Variants in TTLL1 observed in about 807,000 individuals in gnomAD.
TTLL1 encodes polyglutamylase complex subunit TTLL1.
Under a neutral mutation model 47.8 loss-of-function variants are expected in TTLL1, and 33 were observed. That is an observed-to-expected ratio of 0.69 (90% CI 0.52 to 0.92). The LOEUF (loss-of-function observed/expected upper bound fraction) is 0.92, where lower values mean the gene tolerates loss of function less well. Ranked by LOEUF, TTLL1 falls within the 40% of genes least tolerant of loss-of-function variation. The pLI is 0.00. For synonymous variants in TTLL1, 225 were observed against 214.1 expected (o/e 1.05, Z -0.45); for missense variants, 488 against 547.5 (o/e 0.89, Z 1.08).
At chr22:43,069,598 G>C in intron 4 of TTLL1, 38 bp downstream of exon 4, 1 of 1,613,074 alleles carries the variant, frequency 6.2e-7, no homozygotes. Flanking sequence ...AAATTCAGCT[G>C]TTTACTGAAA....
intron 9 of TTLL1, among the ~76,000 whole-genome samples, chr22:43,051,258 G>A (rs562982753): frequency 1.4e-4 from 21 of 152,370 alleles, no homozygotes; most frequent in African/African-American, 4.3e-4. Context: ...GGCTGAGGTC[G>A]CACCAGCCAG....
Position 43,056,324 on chromosome 22 carries a change from A to G in TTLL1, c.891+3060T>C, listed in dbSNP as rs574423345. On this transcript the variant is annotated intron_variant, in intron 8 of 10. Transcript: ENST00000266254. ...CAGTGAGCCGAGATCGCATCACTGC[A>G]CTCCAGCCTGGCGACACAGCGAGAC... 4.1e-5 allele frequency among the ~76,000 whole-genome samples: 6 copies of G among 147,546 alleles called. No homozygotes were observed. The East Asian group carries it at 1.2e-3, about 30-fold the overall frequency.
chr22:43,089,052 C>T (rs1168210910), intron 1 of TTLL1, among the ~76,000 whole-genome samples: 2 of 152,198 alleles, frequency 1.3e-5, no homozygotes, highest in African/African-American at 2.4e-5. Flanking sequence ...TTGCAACAGT[C>T]GGACAGCACG....
At chr22:43,070,342 G>A in intron 3 of TTLL1, 1 of 547,896 alleles carries the variant, frequency 1.8e-6, no homozygotes, top group Non-Finnish European at 3.2e-6. Context: ...CGACAGAGTT[G>A]AAAGAGAAAT....
rs765451356 is a variant in TTLL1 at position 43,059,384 on chromosome 22, C to G, written c.891G>C (p.Ala297=). The part of the protein sequence containing the change: ...WIIVQSLKAV[A]PVMNNDKHCF... ...GCTCCCCCGCCCGCACCAAACTCACCGCCACAGCCTTCAGGGACTGCACGA... is the reference window on the plus strand; with the variant it reads ...GCTCCCCCGCCCGCACCAAACTCACGGCCACAGCCTTCAGGGACTGCACGA... The change falls in exon 8 of 11, where the codon GCG becomes GCC. Residue 297 remains alanine (A), a splice_region_variant and synonymous_variant. Coordinates refer to ENST00000266254, the MANE Select transcript of TTLL1 (RefSeq NM_012263.5). The G allele has an allele frequency of 6.2e-7, 1 of 1,610,062 alleles. No individual in the cohort carries two copies. Among genetic ancestry groups the G allele is most frequent in the African/African-American group, 1.3e-5 (1 of 74,744 alleles).
chr22:43,073,183 T>C (rs928820492), intron 3 of TTLL1, among the ~76,000 whole-genome samples: 2 of 151,502 alleles, frequency 1.3e-5, no homozygotes, highest in African/African-American at 4.9e-5. Flanking sequence ...GCCCAGCTAA[T>C]TTTTGTATTT....
At chr22:43,080,902 C>CTTTTTCTTTTTTTTTTTTTTTT (rs1928833866) in intron 1 of TTLL1, among the ~76,000 whole-genome samples, 2 of 69,284 alleles carry the variant, frequency 2.9e-5, no homozygotes, top group Non-Finnish European at 2.6e-5. Flanking sequence ...TGTTGCATGA[C>CTTTTTCTTTTTTTTTTTTTTTT]TTTTTTTTTT....
At chr22:43,069,409 A>C (rs1017249105) in intron 4 of TTLL1, among the ~76,000 whole-genome samples, 12 of 150,080 alleles carry the variant, frequency 8.0e-5, no homozygotes, top group Admixed American at 4.7e-4. Context: ...AAAAAAAAAA[A>C]ACGCCATGCC....
chr22:43,083,291 C>T (rs1189802844), intron 1 of TTLL1, among the ~76,000 whole-genome samples: 1 of 152,026 alleles, frequency 6.6e-6, no homozygotes, highest in African/African-American at 2.4e-5. Flanking sequence ...ATGGTGTGAA[C>T]CTGGGAGGTA....
chr22:43,050,003 A>G (rs1258449198), intron 9 of TTLL1, among the ~76,000 whole-genome samples: 1 of 152,184 alleles, frequency 6.6e-6, no homozygotes, highest in African/African-American at 2.4e-5. Context: ...AGGCTGAGGC[A>G]GGAGAATTGC....
chr22:43,061,529 T>G (rs1197366574), intron 7 of TTLL1, among the ~76,000 whole-genome samples: 1 of 152,190 alleles, frequency 6.6e-6, no homozygotes, highest in Non-Finnish European at 1.5e-5. Context: ...CTCTTTCTCC[T>G]CAAATCAGAA....
Position 43,080,902 on chromosome 22 carries a change from C to CTTTTTTTTTTTTTT in TTLL1, c.-89-930_-89-917dup, listed in dbSNP as rs10529079. Among the ~76,000 whole-genome samples, 119 of 69,292 alleles carry CTTTTTTTTTTTTTT rather than the reference C, an allele frequency of 1.7e-3. 22 individuals are homozygous for CTTTTTTTTTTTTTT. Among genetic ancestry groups the CTTTTTTTTTTTTTT allele is most frequent in the African/African-American group, 3.0e-3 (53 of 17,430 alleles). The allele number at this position is 69,292 out of a possible 152,430, so 45.5% of individuals were successfully genotyped here. ...GTCACCTGTTCCCAGTGTTGCATGA[C>CTTTTTTTTTTTTTT]TTTTTTTTTTTTTTTTTTTTTTTTT... is the stretch of plus-strand genomic sequence containing the variant. On this transcript the variant is annotated intron_variant, in intron 1 of 10. Transcript: ENST00000266254.
chr22:43,053,290 G>A (rs1926771992), intron 8 of TTLL1, among the ~76,000 whole-genome samples: 1 of 152,166 alleles, frequency 6.6e-6, no homozygotes, highest in African/African-American at 2.4e-5. Flanking sequence ...CGAAACACTT[G>A]AAGCTAGAAA....
At chr22:43,077,827 C>A (rs1001727049) in intron 2 of TTLL1, among the ~76,000 whole-genome samples, 3 of 152,194 alleles carry the variant, frequency 2.0e-5, no homozygotes, top group Admixed American at 6.6e-5. Context: ...AATCTTCTGG[C>A]CGGGCGCGGT....
intron 1 of TTLL1, among the ~76,000 whole-genome samples, chr22:43,084,275 T>G (rs1302593578): frequency 1.4e-4 from 21 of 146,814 alleles, no homozygotes; most frequent in African/African-American, 5.4e-4. Flanking sequence ...CTCAGCCTCC[T>G]GAGTAGCTGG....
intron 9 of TTLL1, 106 bp downstream of exon 9, chr22:43,051,695 G>T: frequency 1.9e-6 from 2 of 1,050,252 alleles, no homozygotes; most frequent in Non-Finnish European, 3.0e-6. Flanking sequence ...TTCCTGCCTG[G>T]CCTGAGAAAC....
At chr22:43,064,410 G>C (rs1927594860) in intron 5 of TTLL1, 86 bp from the exon 6 acceptor site, 1 of 1,453,844 alleles carries the variant, frequency 6.9e-7, no homozygotes, top group Non-Finnish European at 9.3e-7. Flanking sequence ...CTGATAAGCC[G>C]GACTTCATTA....
intron 1 of TTLL1, among the ~76,000 whole-genome samples, chr22:43,087,592 CTT>C (rs1929308877): frequency 6.6e-6 from 1 of 151,014 alleles, no homozygotes; most frequent in Non-Finnish European, 1.5e-5. Flanking sequence ...AATCCCAACA[CTT>C]TGGGAGGCCA....
chr22:43,057,975 C>T (rs925654896), intron 8 of TTLL1, among the ~76,000 whole-genome samples: 3 of 151,230 alleles, frequency 2.0e-5, no homozygotes, highest in Admixed American at 2.0e-4. Flanking sequence ...TAGACAGTCT[C>T]ACTCTGTCGC....
Sources: allele counts gnomAD v4.1 joint callset (sites outside exome capture counted in the v4.1 genomes callset), GRCh38; gene constraint gnomAD v4.1.1; transcripts MANE v1.5; gene names NCBI Gene and HGNC (gene_info 2026-07-23, HGNC 2026-07-21).